The following SORCS1 variants were observed in gnomAD, a reference collection of about 807,000 sequenced individuals.
The protein encoded by SORCS1 is sortilin related VPS10 domain containing receptor 1.
SORCS1 carries 60 observed loss-of-function variants against 146.1 expected under a neutral mutation model. That is an observed-to-expected ratio of 0.41 (90% CI 0.33 to 0.51). SORCS1 has a LOEUF of 0.51. Among genes scored for constraint, SORCS1 ranks in the 20% least tolerant of loss-of-function variants. SORCS1 has a pLI of 0.21. For synonymous variants in SORCS1, 637 were observed against 584.0 expected, an observed-to-expected ratio of 1.09 and a Z score of -1.31; for missense variants, 1,352 against 1,487.6, an observed-to-expected ratio of 0.91 and a Z score of 1.50.
intron 5 of SORCS1, among the ~76,000 whole-genome samples, chr10:106,759,176 G>A (rs535248304): frequency 1.3e-5 from 2 of 152,302 alleles, no homozygotes; most frequent in South Asian, 4.1e-4. Context: ...GAGTGGAGGT[G>A]GGAAGCTATT....
rs534683226 is a variant in SORCS1, at chr10:107,156,420, CAT to C, written c.558+7547_558+7548del. ...AGGTGTCGTGATAATCAAGTGAAAT[CAT>C]GTGGTGATGTTCCAGATCATATTTC... On this transcript the variant is annotated intron_variant, in intron 1 of 25. Transcript: ENST00000263054. Among the ~76,000 whole-genome samples, 171 of 152,258 alleles carry C rather than the reference CAT, an allele frequency of 1.1e-3. 1 individual carries two copies. Among genetic ancestry groups the C allele is most frequent in the African/African-American group, 3.4e-3 (140 of 41,558 alleles).
At chr10:107,125,832 C>A (rs1966682785) in intron 1 of SORCS1, among the ~76,000 whole-genome samples, 1 of 152,050 alleles carries the variant, frequency 6.6e-6, no homozygotes, top group South Asian at 2.1e-4. Context: ...GGCACATATC[C>A]CTAGCTCTCT....
intron 3 of SORCS1, among the ~76,000 whole-genome samples, chr10:106,818,585 C>A (rs11193062): frequency 4.6e-5 from 7 of 152,018 alleles, no homozygotes; most frequent in Non-Finnish European, 8.8e-5. Flanking sequence ...AGGATAGTCT[C>A]GATCTCTTGA....
chr10:107,025,832 A>G (rs1958375907), intron 1 of SORCS1, among the ~76,000 whole-genome samples: 1 of 152,336 alleles, frequency 6.6e-6, no homozygotes, highest in South Asian at 2.1e-4. Flanking sequence ...TGCATCTGAC[A>G]ACGGCAGTCA....
At chr10:106,863,537 A>AT (rs1466302033) in intron 2 of SORCS1, among the ~76,000 whole-genome samples, 1 of 151,972 alleles carries the variant, frequency 6.6e-6, no homozygotes, top group Non-Finnish European at 1.5e-5. Context: ...AAAAAAAAAA[A>AT]AAAGTGCTTA....
At chr10:107,143,825 A>G (rs540576690) in intron 1 of SORCS1, among the ~76,000 whole-genome samples, 4 of 151,634 alleles carry the variant, frequency 2.6e-5, no homozygotes, top group African/African-American at 9.7e-5. Context: ...TTTTTTTTGT[A>G]GAGATGAGGT....
At chr10:106,853,867 T>C (rs1949683265) in intron 2 of SORCS1, among the ~76,000 whole-genome samples, 1 of 152,092 alleles carries the variant, frequency 6.6e-6, no homozygotes, top group Non-Finnish European at 1.5e-5. Flanking sequence ...GTTTTATGGT[T>C]CAGAAAGTGG....
chr10:106,858,607 CAAAAA>C (rs71482495), intron 2 of SORCS1, among the ~76,000 whole-genome samples: 1 of 81,154 alleles, frequency 1.2e-5, no homozygotes, highest in Non-Finnish European at 2.3e-5. Context: ...GCCTCTGTCT[CAAAAA>C]AAAAAAAAAA....
At chr10:106,951,586 T>G (rs1272447090) in intron 2 of SORCS1, among the ~76,000 whole-genome samples, 2 of 151,200 alleles carry the variant, frequency 1.3e-5, no homozygotes, top group African/African-American at 4.9e-5. Context: ...ACACACACCT[T>G]CCCCTCACTG....
chr10:106,655,981 A>G (rs1850253341), intron 17 of SORCS1, among the ~76,000 whole-genome samples: 1 of 152,218 alleles, frequency 6.6e-6, no homozygotes, highest in Non-Finnish European at 1.5e-5. Flanking sequence ...TATTACTGGG[A>G]TGCATTTAGT....
intron 5 of SORCS1, among the ~76,000 whole-genome samples, chr10:106,742,861 C>T (rs1311960361): frequency 2.0e-5 from 3 of 152,080 alleles, no homozygotes; most frequent in Admixed American, 1.3e-4. Flanking sequence ...GGCTGTACTA[C>T]CTGTACTTTG....
intron 1 of SORCS1, among the ~76,000 whole-genome samples, chr10:107,013,864 C>CAAGT (rs1329503852): frequency 6.6e-6 from 1 of 152,100 alleles, no homozygotes; most frequent in African/African-American, 2.4e-5. Context: ...ATGAGTCACC[C>CAAGT]AAGTGACTCT....
At chr10:107,002,210 C>T (rs949438277) in intron 1 of SORCS1, among the ~76,000 whole-genome samples, 4 of 152,140 alleles carry the variant, frequency 2.6e-5, no homozygotes, top group Non-Finnish European at 5.9e-5. Context: ...TTGAATATAG[C>T]CCTAAGTAAT....
intron 5 of SORCS1, among the ~76,000 whole-genome samples, chr10:106,751,498 T>C (rs1317550874): frequency 1.3e-5 from 2 of 152,238 alleles, no homozygotes; most frequent in Non-Finnish European, 2.9e-5. Context: ...GCTCGCACTG[T>C]GAGAGCAGTC....
chr10:106,670,228 C>T (rs1004521171), intron 16 of SORCS1, among the ~76,000 whole-genome samples: 1 of 152,140 alleles, frequency 6.6e-6, no homozygotes, highest in African/African-American at 2.4e-5. Context: ...CTTTGTAAGC[C>T]TTACCTGAAC....
At chr10:106,653,713 T>C (rs1239053778) in intron 17 of SORCS1, among the ~76,000 whole-genome samples, 1 of 152,220 alleles carries the variant, frequency 6.6e-6, no homozygotes, top group Non-Finnish European at 1.5e-5. Context: ...CTTTGAACAC[T>C]ATAGATCACT....
rs556973842 is a variant in SORCS1 at position 107,074,344 on chromosome 10, T to A, written c.558+89625A>T. 5.9e-5 allele frequency among the ~76,000 whole-genome samples: 9 copies of A among 152,294 alleles called. No individual in the cohort carries two copies. The East Asian group carries it at 1.7e-3, about 29-fold the overall frequency. ...TTTCATTTAGTAATATGTGTTTAAG[T>A]TTACTCCATGTCTCTTCATGACTTG... On this transcript the variant is annotated intron_variant, in intron 1 of 25. Coordinates refer to ENST00000263054, the MANE Select transcript of SORCS1 (RefSeq NM_052918.5).
At chr10:107,097,838 T>G (rs1340253714) in intron 1 of SORCS1, among the ~76,000 whole-genome samples, 2 of 152,216 alleles carry the variant, frequency 1.3e-5, no homozygotes, top group Non-Finnish European at 2.9e-5. Context: ...CTTTAATTTC[T>G]AATTTCCATT....
chr10:106,830,913 G>A (rs1396213982), intron 2 of SORCS1, among the ~76,000 whole-genome samples: 1 of 151,362 alleles, frequency 6.6e-6, no homozygotes, highest in East Asian at 2.0e-4. Context: ...AACAAAAAAA[G>A]GCCAGGCACA....
Sources: allele counts gnomAD v4.1 joint callset (sites outside exome capture counted in the v4.1 genomes callset), GRCh38; gene constraint gnomAD v4.1.1; transcripts MANE v1.5; gene names NCBI Gene and HGNC (gene_info 2026-07-23, HGNC 2026-07-21).